PDE4B: variants seen among roughly 807,000 people sequenced by gnomAD.
PDE4B encodes the protein phosphodiesterase 4B, also known as 3',5'-cyclic-AMP phosphodiesterase 4B.
A neutral mutation model predicts 82.2 loss-of-function variants in PDE4B; 20 were observed. The ratio of observed to expected loss-of-function variants is 0.24; its 90% CI spans 0.17 to 0.35. The LOEUF is 0.35. Ranked by LOEUF, PDE4B falls within the 10% of genes least tolerant of loss-of-function variation. The pLI, the probability that PDE4B is intolerant of heterozygous loss-of-function variation, is 1.00. For synonymous variants in PDE4B, 320 were observed against 318.9 expected (o/e 1.00, Z -0.04); for missense variants, 655 against 907.2 (o/e 0.72, Z 3.57).
chr1:66,363,280 A>G lies in PDE4B; in HGVS notation c.1119+14A>G. The G allele has an allele frequency of 6.4e-7, 1 of 1,574,162 alleles. No individual in the cohort carries two copies. The highest frequency in any genetic ancestry group is 1.4e-5 in the African/African-American group (1 of 73,812). The stretch of plus-strand genomic sequence containing the variant: ...GCTATATTCCAGGTGAGTGAACAGG[A>G]GTGAATACTGGCTTTCCAATTGGAT... On this transcript the variant is annotated intron_variant, in intron 11 of 16. Coordinates refer to ENST00000341517, the MANE Select transcript of PDE4B (RefSeq NM_002600.4).
chr1:65,878,652 G>A (rs1284565512), intron 1 of PDE4B, among the ~76,000 whole-genome samples: 2 of 152,096 alleles, frequency 1.3e-5, no homozygotes, highest in African/African-American at 2.4e-5. Flanking sequence ...AACACTGCAT[G>A]TTCTCACTCA....
chr1:66,213,804 C>A (rs1650247618), intron 3 of PDE4B, among the ~76,000 whole-genome samples: 1 of 152,068 alleles, frequency 6.6e-6, no homozygotes, highest in Non-Finnish European at 1.5e-5. Context: ...CTTTTTCATT[C>A]ATGCAGTTTT....
chr1:66,316,611 C>T (rs1659046641), intron 7 of PDE4B, among the ~76,000 whole-genome samples: 1 of 152,216 alleles, frequency 6.6e-6, no homozygotes, highest in Non-Finnish European at 1.5e-5. Context: ...ACCTAGCCTG[C>T]ACATTTATGT....
chr1:66,236,479 C>A (rs1241864679), intron 3 of PDE4B, among the ~76,000 whole-genome samples: 1 of 152,008 alleles, frequency 6.6e-6, no homozygotes, highest in East Asian at 1.9e-4. Flanking sequence ...CATCTGGTAT[C>A]ATTTTCCTTC....
At chr1:66,056,187 A>G (rs1370035162) in intron 3 of PDE4B, among the ~76,000 whole-genome samples, 1 of 152,236 alleles carries the variant, frequency 6.6e-6, no homozygotes, top group Non-Finnish European at 1.5e-5. Context: ...GGAAAAATAG[A>G]TGAAATGTTT....
intron 3 of PDE4B, among the ~76,000 whole-genome samples, chr1:66,214,795 A>T (rs916940516): frequency 2.0e-5 from 3 of 152,146 alleles, no homozygotes; most frequent in African/African-American, 4.8e-5. Flanking sequence ...ATAAATACCT[A>T]ATGTTTATTA....
intron 3 of PDE4B, among the ~76,000 whole-genome samples, chr1:66,071,173 G>A (rs1042233860): frequency 5.9e-5 from 9 of 151,966 alleles, no homozygotes; most frequent in African/African-American, 1.9e-4. Context: ...TACAATAAAA[G>A]CAGGCTCACT....
chr1:66,177,341 TG>T (rs1395126422), intron 3 of PDE4B, among the ~76,000 whole-genome samples: 5 of 152,206 alleles, frequency 3.3e-5, no homozygotes, highest in Non-Finnish European at 7.3e-5. Context: ...ATGGTTAGAA[TG>T]GTGTTTAGCA....
chr1:66,111,749 C>G (rs772237461), intron 3 of PDE4B, among the ~76,000 whole-genome samples: 7 of 152,012 alleles, frequency 4.6e-5, no homozygotes, highest in African/African-American at 1.4e-4. Context: ...ATCAGTGATA[C>G]GTTCTATAAG....
intron 3 of PDE4B, among the ~76,000 whole-genome samples, chr1:66,181,982 G>A (rs953610441): frequency 2.0e-5 from 3 of 151,912 alleles, no homozygotes; most frequent in Non-Finnish European, 2.9e-5. Flanking sequence ...TATATTAAAT[G>A]CTATTTTTTT....
At chr1:66,103,310 CTG>C (rs1645263454) in intron 3 of PDE4B, among the ~76,000 whole-genome samples, 1 of 152,106 alleles carries the variant, frequency 6.6e-6, no homozygotes, top group African/African-American at 2.4e-5. Context: ...TGCAATAAAA[CTG>C]ATGCTGAATG....
At chr1:65,906,220 C>T (rs1170897757) in intron 1 of PDE4B, among the ~76,000 whole-genome samples, 1 of 152,100 alleles carries the variant, frequency 6.6e-6, no homozygotes, top group Non-Finnish European at 1.5e-5. Context: ...TTCAGCCATA[C>T]TTGCCTATTA....
At chr1:65,942,806 TG>T (rs1280088446) in intron 3 of PDE4B, among the ~76,000 whole-genome samples, 2 of 152,014 alleles carry the variant, frequency 1.3e-5, no homozygotes, top group Non-Finnish European at 2.9e-5. Context: ...ATATACCTAT[TG>T]GGCATTTGTG....
chr1:66,012,833 G>C (rs1222501810), intron 3 of PDE4B, among the ~76,000 whole-genome samples: 1 of 152,068 alleles, frequency 6.6e-6, no homozygotes, highest in Non-Finnish European at 1.5e-5. Flanking sequence ...CAGTGCATGT[G>C]GATTTGTTTA....
rs189055012 is a variant in PDE4B, at chr1:66,257,600, A to G, written c.477-47A>G. ...ATATTATAGCTTATATGTCACAGTT[A>G]TAATTCAAGTAAATTTCTAAAGGTT... On this transcript the variant is annotated intron_variant, in intron 4 of 16. Coordinates refer to ENST00000341517, the MANE Select transcript of PDE4B (RefSeq NM_002600.4). 8.0e-5 allele frequency: 121 copies of G among 1,511,354 alleles called. No individual in the cohort carries two copies. In the East Asian group the frequency reaches 2.6e-3, roughly 33 times the overall value. The allele number at this position is 1,511,354 out of a possible 1,614,324, so 93.6% of individuals were successfully genotyped here. A position where few individuals can be genotyped will look rare whatever the true frequency, so the allele number is the denominator to read the frequency against.
chr1:65,817,421 G>A (rs562863092), intron 1 of PDE4B, among the ~76,000 whole-genome samples: 1 of 152,254 alleles, frequency 6.6e-6, no homozygotes, highest in South Asian at 2.1e-4. Context: ...AGACTCTTCT[G>A]TAACTCTAAA....
chr1:65,812,673 G>A (rs1417599836), intron 1 of PDE4B, among the ~76,000 whole-genome samples: 1 of 152,120 alleles, frequency 6.6e-6, no homozygotes, highest in Admixed American at 6.6e-5. Flanking sequence ...CATAGATAAT[G>A]CTGTTTGTGG....
intron 1 of PDE4B, among the ~76,000 whole-genome samples, chr1:65,855,338 T>A (rs983286571): frequency 6.6e-6 from 1 of 152,154 alleles, no homozygotes; most frequent in Non-Finnish European, 1.5e-5. Flanking sequence ...TAAATTATAT[T>A]GATTATTTTT....
At chr1:66,153,436 A>T (rs1473031981) in intron 3 of PDE4B, among the ~76,000 whole-genome samples, 1 of 152,196 alleles carries the variant, frequency 6.6e-6, no homozygotes, top group African/African-American at 2.4e-5. Context: ...ATTCATGGCA[A>T]CCATCCCCTC....
Sources: gnomAD v4.1 joint callset for allele counts (sites outside exome capture counted in the v4.1 genomes callset) on GRCh38, gnomAD v4.1.1 for gene constraint, MANE v1.5 for transcripts, NCBI Gene and HGNC (gene_info 2026-07-23, HGNC 2026-07-21) for gene names.